Variants in TSPAN14 observed in about 807,000 individuals in gnomAD.
TSPAN14 encodes tetraspanin 14, also known as tetraspanin-14.
TSPAN14 carries 16 observed loss-of-function variants against 36.6 expected under a neutral mutation model. The ratio of observed to expected loss-of-function variants is 0.44; its 90% CI spans 0.30 to 0.66. The LOEUF (loss-of-function observed/expected upper bound fraction) is 0.66. Ranked by LOEUF, TSPAN14 falls within the 30% of genes least tolerant of loss-of-function variation. The pLI is 0.12. For missense variants in TSPAN14, 231 were observed against 355.1 expected (o/e 0.65, Z 2.81); for synonymous variants, 139 against 143.8 (o/e 0.97, Z 0.24).
intron 1 of TSPAN14, among the ~76,000 whole-genome samples, chr10:80,476,417 T>TC (rs938459402): frequency 1.4e-5 from 2 of 138,126 alleles, no homozygotes; most frequent in African/African-American, 5.9e-5. Flanking sequence ...CTGTTTTTTT[T>TC]TTTTTTTTTT....
At chr10:80,465,310 C>T (rs1425949262) in intron 1 of TSPAN14, among the ~76,000 whole-genome samples, 2 of 152,176 alleles carry the variant, frequency 1.3e-5, no homozygotes, top group African/African-American at 4.8e-5. Flanking sequence ...CTCACGCGAG[C>T]ACTCAGCTGC....
chr10:80,454,646 G>A (rs895820214), intron 1 of TSPAN14, among the ~76,000 whole-genome samples: 15 of 152,070 alleles, frequency 9.9e-5, no homozygotes, highest in Non-Finnish European at 1.8e-4. Flanking sequence ...GCCCGGGGCC[G>A]GCACTCCTGG....
rs771956462 is a variant in TSPAN14, at chr10:80,509,253, G to A, written c.280-48G>A. ...CAGGTGGGGTTATGTGTGTGGGGGT[G>A]CAGGCTGGTGGGGTGGTGACTTCTG... is the stretch of plus-strand genomic sequence containing the variant. On this transcript the variant is annotated intron_variant, in intron 4 of 8. Coordinates refer to ENST00000429989, the Ensembl canonical transcript of TSPAN14. This position sits in a 1 kb window ranked among gnomAD's most constrained non-coding sequence, Gnocchi z 4.7. 1.9e-6 allele frequency: 3 copies of A among 1,586,208 alleles called. No individual in the cohort carries two copies. The highest frequency in any genetic ancestry group is 1.7e-6 in the Non-Finnish European group (2 of 1,163,794).
chr10:80,491,088 G>A (rs1847897296), intron 2 of TSPAN14, among the ~76,000 whole-genome samples: 1 of 152,138 alleles, frequency 6.6e-6, no homozygotes, highest in Admixed American at 6.5e-5. Flanking sequence ...ATCTCCTGGT[G>A]ATTTATCTTA....
chr10:80,520,821 C>G (rs772219183), exon 9 of TSPAN14: 10 of 533,466 alleles, frequency 1.9e-5, no homozygotes, highest in Admixed American at 1.4e-4. Context: ...TCTTCAGCCT[C>G]TGTAGCACCA....
chr10:80,475,425 G>C lies in TSPAN14; in HGVS notation c.-17-13792G>C, dbSNP rs1010071222. On this transcript the variant is annotated intron_variant, in intron 1 of 8. Coordinates refer to ENST00000429989, the Ensembl canonical transcript of TSPAN14. ...TACAAAAAATTAAAAAATTAACTTC[G>C]TGTGGTGGTACACACCTGTGGTCCC... 5.3e-5 allele frequency among the ~76,000 whole-genome samples: 8 copies of C among 152,218 alleles called. No homozygotes were observed. The East Asian group carries it at 7.7e-4, about 15-fold the overall frequency.
chr10:80,503,619 A>C (rs1175869145), intron 2 of TSPAN14, among the ~76,000 whole-genome samples: 2 of 152,014 alleles, frequency 1.3e-5, no homozygotes, highest in Non-Finnish European at 2.9e-5. Context: ...AATACTGGGC[A>C]TGTGTGCATT....
intron 2 of TSPAN14, among the ~76,000 whole-genome samples, chr10:80,492,335 T>C (rs193049897): frequency 2.0e-5 from 3 of 152,188 alleles, no homozygotes; most frequent in Non-Finnish European, 4.4e-5. Flanking sequence ...TTTTGCAGTG[T>C]TTTTATTTGT....
At position 80,517,841 on chromosome 10, in the gene TSPAN14, C is replaced by T. The variant is rs905794322; in HGVS notation, c.742-64C>T. 23 of 1,503,768 alleles carry T rather than the reference C, an allele frequency of 1.5e-5. No individual in the cohort carries two copies. In the South Asian group the frequency reaches 1.7e-4, roughly 11 times the overall value. The allele number at this position is 1,503,768 out of a possible 1,614,324, so 93.2% of individuals were successfully genotyped here. A position where few individuals can be genotyped will look rare whatever the true frequency, so the allele number is the denominator to read the frequency against. ...AGTGGGAGCTCCCAACCCCACCCTC[C>T]GCTCCCTGCCCTCTGCCTTTGGGCC... On this transcript the variant is annotated intron_variant, in intron 8 of 8. Transcript: ENST00000429989.
At chr10:80,484,575 C>A (rs1266448859) in intron 1 of TSPAN14, among the ~76,000 whole-genome samples, 1 of 152,174 alleles carries the variant, frequency 6.6e-6, no homozygotes, top group Non-Finnish European at 1.5e-5. Flanking sequence ...GTTATTCTTT[C>A]CTTTGTGTAT....
intron 1 of TSPAN14, among the ~76,000 whole-genome samples, chr10:80,488,048 G>A (rs988811497): frequency 8.5e-5 from 13 of 152,208 alleles, no homozygotes; most frequent in Non-Finnish European, 1.6e-4. Flanking sequence ...TCTCACTGGC[G>A]GATGTGGGTG....
At chr10:80,454,838 G>C (rs1207517828) in intron 1 of TSPAN14, among the ~76,000 whole-genome samples, 1 of 152,134 alleles carries the variant, frequency 6.6e-6, no homozygotes, top group Non-Finnish European at 1.5e-5. Context: ...CCAGGAGATC[G>C]GGTCCGGGGT....
At chr10:80,461,344 C>T (rs1004272532) in intron 1 of TSPAN14, among the ~76,000 whole-genome samples, 2 of 152,220 alleles carry the variant, frequency 1.3e-5, no homozygotes, top group Admixed American at 1.3e-4. Flanking sequence ...GCTCTGTAGC[C>T]AGCTTCCACC....
chr10:80,507,501 G>A, intron 4 of TSPAN14, 127 bp downstream of exon 4: 2 of 1,330,722 alleles, frequency 1.5e-6, no homozygotes, highest in Non-Finnish European at 2.1e-6. Context: ...CCCCTGCCTG[G>A]GAGCAGGAGG....
At chr10:80,493,080 TG>T (rs1224535885) in intron 2 of TSPAN14, among the ~76,000 whole-genome samples, 2 of 152,206 alleles carry the variant, frequency 1.3e-5, no homozygotes, top group Non-Finnish European at 2.9e-5. Context: ...CCATGCAACA[TG>T]GCTTTTTGAG....
intron 2 of TSPAN14, among the ~76,000 whole-genome samples, chr10:80,493,556 G>A (rs1848036150): frequency 6.6e-6 from 1 of 152,226 alleles, no homozygotes; most frequent in Non-Finnish European, 1.5e-5. Context: ...ATATACAGAT[G>A]TGAAAGAGCT....
intron 1 of TSPAN14, among the ~76,000 whole-genome samples, chr10:80,467,615 T>G (rs932597042): frequency 3.3e-5 from 5 of 152,230 alleles, no homozygotes; most frequent in African/African-American, 1.2e-4. Context: ...TCTTGCCAAC[T>G]CAGGATCCTT....
chr10:80,508,541 C>T (rs1289749944), intron 4 of TSPAN14, among the ~76,000 whole-genome samples: 2 of 152,138 alleles, frequency 1.3e-5, no homozygotes, highest in African/African-American at 4.8e-5. Context: ...TGGGAGTCTG[C>T]CCTGATGGGA....
chr10:80,518,171 A>G, exon 9 of TSPAN14: 2 of 612,694 alleles, frequency 3.3e-6, no homozygotes, highest in Non-Finnish European at 5.8e-6. Context: ...TACCTGCCCA[A>G]ACTTGTGACT....
Sources: allele counts gnomAD v4.1 joint callset (sites outside exome capture counted in the v4.1 genomes callset), GRCh38; gene constraint gnomAD v4.1.1; non-coding constraint Gnocchi (gnomAD v3.1); transcripts MANE v1.5; gene names NCBI Gene and HGNC (gene_info 2026-07-23, HGNC 2026-07-21).